DNAH14: variants seen among roughly 807,000 people sequenced by gnomAD.
DNAH14 encodes axonemal beta dynein heavy chain 14.
A neutral mutation model predicts 520.9 loss-of-function variants in DNAH14; 478 were observed. The ratio of observed to expected loss-of-function variants is 0.92; its 90% CI spans 0.85 to 0.99. The LOEUF is 0.99. DNAH14 is among the 50% of genes least tolerant of loss of function. DNAH14 has a pLI of 0.00. For missense variants in DNAH14, 4,831 were observed against 5,234.5 expected (o/e 0.92, Z 2.38); for synonymous variants, 1,581 against 1,757.2 (o/e 0.90, Z 2.51).
chr1:225,336,622 A>T (rs541043829), intron 66 of DNAH14, among the ~76,000 whole-genome samples: 3 of 152,202 alleles, frequency 2.0e-5, no homozygotes, highest in African/African-American at 7.2e-5. Flanking sequence ...CTTAATGAGA[A>T]TATATAGAGC....
At chr1:225,357,634 C>A in intron 73 of DNAH14, 1 of 492,382 alleles carries the variant, frequency 2.0e-6, no homozygotes, top group Non-Finnish European at 3.6e-6. Context: ...AATAATTTTT[C>A]CAAAACATAA....
At chr1:225,344,152 A>T (rs1044085317) in intron 69 of DNAH14, among the ~76,000 whole-genome samples, 1 of 152,012 alleles carries the variant, frequency 6.6e-6, no homozygotes, top group Non-Finnish European at 1.5e-5. Context: ...CTTGAAAAAA[A>T]CTAAATTAAG....
intron 55 of DNAH14, among the ~76,000 whole-genome samples, chr1:225,297,465 C>A (rs947724447): frequency 3.3e-5 from 5 of 152,034 alleles, no homozygotes; most frequent in African/African-American, 1.2e-4. Context: ...TCATTGATTT[C>A]TATGCATCTG....
At chr1:225,144,991 C>T (rs867630498) in intron 29 of DNAH14, among the ~76,000 whole-genome samples, 1 of 151,582 alleles carries the variant, frequency 6.6e-6, no homozygotes, top group Non-Finnish European at 1.5e-5. Context: ...CAGAAAGAGA[C>T]AGAGAGAGAG....
intron 1 of DNAH14, among the ~76,000 whole-genome samples, chr1:224,941,674 T>A (rs1429169337): frequency 2.0e-5 from 3 of 152,238 alleles, no homozygotes; most frequent in Non-Finnish European, 4.4e-5. Context: ...CCATCTTGAA[T>A]TAATTTTTAT....
intron 27 of DNAH14, among the ~76,000 whole-genome samples, chr1:225,136,440 TG>T (rs1451754312): frequency 6.6e-6 from 1 of 152,222 alleles, no homozygotes; most frequent in Non-Finnish European, 1.5e-5. Context: ...TATGAAATTC[TG>T]GACTGGAAAT....
intron 4 of DNAH14, among the ~76,000 whole-genome samples, chr1:224,962,052 A>C (rs75678443): frequency 1.3e-5 from 2 of 152,188 alleles, no homozygotes; most frequent in Non-Finnish European, 2.9e-5. Flanking sequence ...CAAATATACA[A>C]TATAGAGAAG....
At chr1:225,287,710 A>G (rs1431917824) in intron 54 of DNAH14, among the ~76,000 whole-genome samples, 2 of 152,210 alleles carry the variant, frequency 1.3e-5, no homozygotes, top group Non-Finnish European at 2.9e-5. Context: ...CCATTCTCCA[A>G]TAAAAGGAAC....
chr1:225,042,903 AT>A lies in DNAH14; in HGVS notation c.1558del (p.Cys520AlafsTer2). 1 of 1,551,686 alleles carries A rather than the reference AT, an allele frequency of 6.4e-7. No individual in the cohort carries two copies. On this transcript the variant is annotated frameshift_variant, in exon 13 of 86. Coordinates refer to ENST00000682510, the MANE Select transcript of DNAH14 (RefSeq NM_001367479.1). LOFTEE classifies it high-confidence loss of function. ...ATGCACCAATATTTGAAGTAAATCT[AT>A]GCTTGAGAATTCCTGCTGAGAGTGA... Reference protein sequence around the residue: ...TYAPIFEVNLCLRIPAESDSS... With the variant: ...TYAPIFEVNLXLRIPAESDSS...
intron 26 of DNAH14, 63 bp downstream of exon 26, chr1:225,119,357 T>TAC: frequency 8.9e-7 from 1 of 1,126,992 alleles, no homozygotes; most frequent in South Asian, 2.2e-5. Context: ...CATATATATA[T>TAC]ACACACACAT....
chr1:224,942,870 G>C (rs972216494), intron 1 of DNAH14, among the ~76,000 whole-genome samples: 4 of 152,274 alleles, frequency 2.6e-5, no homozygotes, highest in East Asian at 1.9e-4. Flanking sequence ...GATCATGGTG[G>C]ATAAGCTTTT....
chr1:225,182,060 A>G (rs1358193808), intron 36 of DNAH14, among the ~76,000 whole-genome samples: 1 of 152,116 alleles, frequency 6.6e-6, no homozygotes, highest in African/African-American at 2.4e-5. Context: ...TTAGCTGGGC[A>G]TGATGGCATG....
At chr1:224,994,990 G>A (rs930459210) in intron 8 of DNAH14, among the ~76,000 whole-genome samples, 9 of 151,958 alleles carry the variant, frequency 5.9e-5, no homozygotes, top group South Asian at 4.1e-4. Context: ...CAGAATTTGC[G>A]TCATTTCGTA....
At chr1:225,005,752 G>A (rs2064120686) in intron 9 of DNAH14, among the ~76,000 whole-genome samples, 1 of 152,012 alleles carries the variant, frequency 6.6e-6, no homozygotes, top group African/African-American at 2.4e-5. Context: ...AATGTATTTT[G>A]TTAAGAGAAT....
chr1:225,327,002 G>A (rs12074078), intron 64 of DNAH14, among the ~76,000 whole-genome samples: 9 of 152,092 alleles, frequency 5.9e-5, no homozygotes, highest in Non-Finnish European at 1.0e-4. Flanking sequence ...ACTCCACCCC[G>A]CAACAACACA....
intron 41 of DNAH14, among the ~76,000 whole-genome samples, chr1:225,214,501 C>T (rs900956244): frequency 8.5e-5 from 13 of 152,150 alleles, no homozygotes; most frequent in Admixed American, 4.6e-4. Context: ...CCTCCTTGTA[C>T]CTCTGGTAGA....
At chr1:225,195,014 A>G (rs1450621880) in intron 38 of DNAH14, among the ~76,000 whole-genome samples, 1 of 152,168 alleles carries the variant, frequency 6.6e-6, no homozygotes. Context: ...AAAAAATAAC[A>G]GATGCTAGCA....
At chr1:225,175,284 C>T (rs184466089) in intron 36 of DNAH14, among the ~76,000 whole-genome samples, 1 of 152,172 alleles carries the variant, frequency 6.6e-6, no homozygotes, top group African/African-American at 2.4e-5. Context: ...GAAGCCATCA[C>T]ATCCTGGGCT....
intron 43 of DNAH14, among the ~76,000 whole-genome samples, chr1:225,245,109 G>C (rs1041780489): frequency 6.6e-6 from 1 of 152,152 alleles, no homozygotes; most frequent in African/African-American, 2.4e-5. Context: ...TATTTACCCA[G>C]TAGTCATTCC....
Sources: gnomAD v4.1 joint callset for allele counts (sites outside exome capture counted in the v4.1 genomes callset) on GRCh38, gnomAD v4.1.1 for gene constraint, MANE v1.5 for transcripts, NCBI Gene and HGNC (gene_info 2026-07-23, HGNC 2026-07-21) for gene names.